SARS1: variants seen among roughly 807,000 people sequenced by gnomAD.
SARS1 encodes the protein serine--tRNA ligase, cytoplasmic.
In SARS1, 25 loss-of-function variants were observed where a neutral mutation model predicts 63.7. The observed-to-expected ratio is 0.39, with a 90% CI of 0.29 to 0.55. The LOEUF is 0.55. Ranked by LOEUF, SARS1 falls within the 20% of genes least tolerant of loss-of-function variation. The pLI, the probability that SARS1 is intolerant of heterozygous loss-of-function variation, is 0.62. For synonymous variants in SARS1, 231 were observed against 243.5 expected (o/e 0.95, Z 0.48); for missense variants, 417 against 649.7 (o/e 0.64, Z 3.89).
intron 1 of SARS1, among the ~76,000 whole-genome samples, chr1:109,218,192 CCAAAAAAAAAAAAAAA>C (rs1357252043): frequency 1.3e-4 from 3 of 23,678 alleles, no homozygotes; most frequent in African/African-American, 3.6e-4. Flanking sequence ...GACTCTGTCT[CCAAAAAAAAAAAAAAA>C]AAAAAAAAAT....
chr1:109,221,960 T>TTTTG lies in SARS1; in HGVS notation c.137-2017_137-2016insTTGT, dbSNP rs771565091. On this transcript the variant is annotated intron_variant, in intron 1 of 10. Coordinates refer to ENST00000234677, the MANE Select transcript of SARS1 (RefSeq NM_006513.4). ...ACACCACCATGCTCAGCTAATTTTT[T>TTTTG]TGTGTGTGTGTATATATATATATAT... 5.0e-3 allele frequency among the ~76,000 whole-genome samples: 50 copies of TTTTG among 10,078 alleles called. 1 individual carries two copies. The highest frequency in any genetic ancestry group is 6.1e-3 in the African/African-American group (42 of 6,850). The allele number at this position is 10,078 out of a possible 152,430, so 6.6% of individuals were successfully genotyped here. A position where few individuals can be genotyped will look rare whatever the true frequency, so the allele number is the denominator to read the frequency against.
At chr1:109,222,526 CT>C (rs1364232010) in intron 1 of SARS1, among the ~76,000 whole-genome samples, 1 of 152,174 alleles carries the variant, frequency 6.6e-6, no homozygotes, top group African/African-American at 2.4e-5. Flanking sequence ...CATCTCACCC[CT>C]AGCAACCACT....
intron 1 of SARS1, among the ~76,000 whole-genome samples, chr1:109,221,269 C>T (rs151057792): frequency 6.6e-6 from 1 of 152,066 alleles, no homozygotes; most frequent in African/African-American, 2.4e-5. Context: ...CCATGTTGGC[C>T]AGGATGGTCT....
intron 1 of SARS1, among the ~76,000 whole-genome samples, chr1:109,219,876 T>A: frequency 6.6e-6 from 1 of 152,312 alleles, no homozygotes; most frequent in South Asian, 2.1e-4. Context: ...GTAGCAGTAG[T>A]TGGTTCTTTT....
intron 6 of SARS1, among the ~76,000 whole-genome samples, chr1:109,232,545 C>G (rs1311402997): frequency 6.6e-6 from 1 of 152,176 alleles, no homozygotes; most frequent in African/African-American, 2.4e-5. Flanking sequence ...TTGGACTCAT[C>G]TAATTTATAT....
intron 6 of SARS1, among the ~76,000 whole-genome samples, chr1:109,233,014 G>T (rs1655238707): frequency 6.6e-6 from 1 of 152,184 alleles, no homozygotes; most frequent in African/African-American, 2.4e-5. Flanking sequence ...AGTTCTGTAA[G>T]AATGAATATA....
At chr1:109,233,851 A>C (rs1570762903) in intron 6 of SARS1, among the ~76,000 whole-genome samples, 6 of 124,632 alleles carry the variant, frequency 4.8e-5, no homozygotes, top group Admixed American at 9.0e-5. Flanking sequence ...CGTCGCCACC[A>C]CACCTGGCTA....
intron 4 of SARS1, among the ~76,000 whole-genome samples, chr1:109,229,848 C>T (rs565739626): frequency 1.3e-5 from 2 of 152,290 alleles, no homozygotes; most frequent in East Asian, 1.9e-4. Context: ...GCAGGCATCT[C>T]GTGGGAGGGA....
At position 109,214,667 on chromosome 1, in the gene SARS1, T is replaced by A; in HGVS notation, c.136+539T>A. 1 of 985,600 alleles carries A rather than the reference T, an allele frequency of 1.0e-6. No individual in the cohort carries two copies. The highest frequency in any genetic ancestry group is 4.7e-5 in the South Asian group (1 of 21,312). 61.1% of individuals were successfully genotyped at this position (985,600 alleles called of 1,614,324 possible). On this transcript the variant is annotated intron_variant, in intron 1 of 10. Coordinates refer to ENST00000234677, the MANE Select transcript of SARS1 (RefSeq NM_006513.4). The surrounding 1 kb of genome is among the most constrained non-coding windows in gnomAD (Gnocchi z 4.6). ...TGGCCAAAATAAATGACCCTGAAGC[T>A]TTTCGGAAGGCCATCCCCCGACCTA...
At chr1:109,228,576 T>G (rs1655140322) in intron 3 of SARS1, 144 bp downstream of exon 3, 1 of 610,112 alleles carries the variant, frequency 1.6e-6, no homozygotes, top group Non-Finnish European at 2.9e-6. Flanking sequence ...CACCCATTCT[T>G]GTTATATTCT....
chr1:109,221,424 T>G, intron 1 of SARS1, among the ~76,000 whole-genome samples: 1 of 152,084 alleles, frequency 6.6e-6, no homozygotes, highest in Admixed American at 6.6e-5. Context: ...GACAAGTATG[T>G]CTCTTATCAC....
chr1:109,236,289 C>T (rs368928463), intron 8 of SARS1, 102 bp from the exon 9 acceptor site: 1 of 1,356,406 alleles, frequency 7.4e-7, no homozygotes, highest in Non-Finnish European at 1.0e-6. Flanking sequence ...GATTTCACCT[C>T]TGGAGACAGG....
chr1:109,224,094 T>C (rs1193901407), intron 2 of SARS1, 46 bp downstream of exon 2: 1 of 1,372,876 alleles, frequency 7.3e-7, no homozygotes, highest in South Asian at 1.2e-5. Context: ...TGAGCGGAGA[T>C]ATTTGATCTT....
At chr1:109,215,638 T>C (rs1302597737) in intron 1 of SARS1, 2 of 963,062 alleles carry the variant, frequency 2.1e-6, no homozygotes, top group Non-Finnish European at 1.2e-6. Context: ...TGAAAAGCAG[T>C]TTATGTAGTT....
chr1:109,236,236 T>C, intron 8 of SARS1, 130 bp downstream of exon 8: 1 of 1,309,088 alleles, frequency 7.6e-7, no homozygotes, highest in East Asian at 2.3e-5. Context: ...AATATTACAC[T>C]CTTCTCACTT....
At chr1:109,216,234 A>G in intron 1 of SARS1, 1 of 985,394 alleles carries the variant, frequency 1.0e-6, no homozygotes, top group Non-Finnish European at 1.2e-6. Context: ...GAGCCACATT[A>G]AGAACTCAGA....
intron 2 of SARS1, among the ~76,000 whole-genome samples, chr1:109,226,670 A>AT (rs1655085792): frequency 4.2e-5 from 2 of 47,910 alleles, no homozygotes; most frequent in Admixed American, 6.2e-4. Flanking sequence ...ATTTAAAAAA[A>AT]AAAAAAAATA....
intron 6 of SARS1, among the ~76,000 whole-genome samples, chr1:109,232,938 G>T (rs7539230): frequency 0.016 from 2,453 of 152,250 alleles, 33 homozygotes; most frequent in Non-Finnish European, 0.026. Context: ...GGACCCACAG[G>T]CAGGAAGAAT....
rs559150571 is a variant in SARS1 at position 109,214,483 on chromosome 1, T to C, written c.136+355T>C. On this transcript the variant is annotated intron_variant, in intron 1 of 10. Coordinates refer to ENST00000234677, the MANE Select transcript of SARS1 (RefSeq NM_006513.4). The surrounding 1 kb of genome is among the most constrained non-coding windows in gnomAD (Gnocchi z 4.6). ...ACGCGGCTTTCCTAACACGAATCTTTGGTCCCCCCCAGTCTTTTTCTCATC... is the reference window on the plus strand; with the variant it reads ...ACGCGGCTTTCCTAACACGAATCTTCGGTCCCCCCCAGTCTTTTTCTCATC... 325 of 1,009,250 alleles carry C rather than the reference T, an allele frequency of 3.2e-4. 1 individual carries two copies. In the African/African-American group the frequency reaches 5.1e-3, roughly 16 times the overall value. 62.5% of individuals were successfully genotyped at this position (1,009,250 alleles called of 1,614,324 possible). A position where few individuals can be genotyped will look rare whatever the true frequency, so the allele number is the denominator to read the frequency against.
Sources: allele counts gnomAD v4.1 joint callset (sites outside exome capture counted in the v4.1 genomes callset), GRCh38; gene constraint gnomAD v4.1.1; non-coding constraint Gnocchi (gnomAD v3.1); transcripts MANE v1.5; gene names NCBI Gene and HGNC (gene_info 2026-07-23, HGNC 2026-07-21).